Variants in ARHGAP24 observed in about 807,000 individuals in gnomAD.
ARHGAP24 encodes the protein rho GTPase-activating protein 24.
In ARHGAP24, 50 loss-of-function variants were observed where a neutral mutation model predicts 76.4. The ratio of observed to expected loss-of-function variants is 0.65; its 90% CI spans 0.52 to 0.83. The LOEUF (loss-of-function observed/expected upper bound fraction) is 0.83. Ranked by LOEUF, ARHGAP24 falls within the 40% of genes least tolerant of loss-of-function variation. The pLI is 0.00. For missense variants in ARHGAP24, 930 were observed against 914.2 expected (o/e 1.02, Z -0.22); for synonymous variants, 345 against 323.3 (o/e 1.07, Z -0.72).
At chr4:85,972,451 A>G (rs1386806499) in intron 6 of ARHGAP24, 3 of 419,532 alleles carry the variant, frequency 7.2e-6, no homozygotes, top group African/African-American at 2.0e-5. Context: ...GCCACACATC[A>G]CACAAAAGAA....
chr4:85,678,349 G>A (rs1723066955), intron 2 of ARHGAP24, among the ~76,000 whole-genome samples: 1 of 152,136 alleles, frequency 6.6e-6, no homozygotes, highest in African/African-American at 2.4e-5. Context: ...CAGCCTGGGT[G>A]ACAAAGCAAG....
rs76067859 is a variant in ARHGAP24, at chr4:85,783,807, T to C, written c.268+61835T>C. 4.6e-3 allele frequency among the ~76,000 whole-genome samples: 705 copies of C among 152,324 alleles called. 4 individuals are homozygous for C. Among genetic ancestry groups the C allele is most frequent in the African/African-American group, 0.016 (672 of 41,558 alleles). On this transcript the variant is annotated intron_variant, in intron 3 of 9. Coordinates refer to ENST00000395184, the MANE Select transcript of ARHGAP24 (RefSeq NM_001025616.3). ...TGTCATTTTGTTAATGAGTATTTGC[T>C]AAAGCATTTCCTGGGCCACTGGTGT...
At chr4:85,951,167 G>A (rs996834916) in intron 5 of ARHGAP24, among the ~76,000 whole-genome samples, 4 of 152,066 alleles carry the variant, frequency 2.6e-5, no homozygotes, top group Admixed American at 6.6e-5. Flanking sequence ...CCTGGATTCT[G>A]CTGATTCAAA....
At chr4:85,567,695 T>C (rs1726901730) in intron 1 of ARHGAP24, among the ~76,000 whole-genome samples, 4 of 152,210 alleles carry the variant, frequency 2.6e-5, no homozygotes, top group African/African-American at 9.6e-5. Context: ...ACAGAGATGA[T>C]AGATTTCAGA....
chr4:85,754,434 A>C (rs1345473151), intron 3 of ARHGAP24, among the ~76,000 whole-genome samples: 2 of 152,222 alleles, frequency 1.3e-5, no homozygotes, highest in South Asian at 2.1e-4. Context: ...TCAATTAGTA[A>C]CTCCCATTGA....
chr4:85,980,856 A>C (rs1217298167), intron 8 of ARHGAP24, among the ~76,000 whole-genome samples: 1 of 152,212 alleles, frequency 6.6e-6, no homozygotes, highest in Non-Finnish European at 1.5e-5. Context: ...GATGGTGCTA[A>C]AGCAGTGACG....
At chr4:85,967,134 G>T (rs1422443924) in intron 5 of ARHGAP24, among the ~76,000 whole-genome samples, 1 of 152,048 alleles carries the variant, frequency 6.6e-6, no homozygotes, top group Non-Finnish European at 1.5e-5. Context: ...AGAGGCCTAT[G>T]TTGCACCTAG....
chr4:85,550,305 T>G (rs912131915), intron 1 of ARHGAP24, among the ~76,000 whole-genome samples: 4 of 152,158 alleles, frequency 2.6e-5, no homozygotes, highest in African/African-American at 9.7e-5. Context: ...AATAGGGAAT[T>G]CTTTCCCCAT....
At chr4:85,508,588 T>C (rs1366125409) in intron 1 of ARHGAP24, among the ~76,000 whole-genome samples, 1 of 152,248 alleles carries the variant, frequency 6.6e-6, no homozygotes, top group African/African-American at 2.4e-5. Context: ...CTCTAAGCTC[T>C]GATAAATCTT....
chr4:85,628,470 C>T (rs28888099), intron 2 of ARHGAP24, among the ~76,000 whole-genome samples: 54,378 of 151,994 alleles, frequency 0.36, 10,743 homozygotes, highest in East Asian at 0.84. Flanking sequence ...GGAAGGAATA[C>T]GGCTACTGTT....
chr4:85,673,702 G>T (rs187050867), intron 2 of ARHGAP24, among the ~76,000 whole-genome samples: 2 of 144,512 alleles, frequency 1.4e-5, no homozygotes, highest in Admixed American at 6.8e-5. Context: ...AAACACCAGT[G>T]GGGGGATCTA....
At chr4:85,546,408 A>C (rs949236526) in intron 1 of ARHGAP24, among the ~76,000 whole-genome samples, 6 of 152,200 alleles carry the variant, frequency 3.9e-5, no homozygotes, top group Non-Finnish European at 4.4e-5. Flanking sequence ...TACTCTACTT[A>C]CTGCCCTTTT....
At chr4:85,692,462 A>G (rs756689487) in intron 2 of ARHGAP24, among the ~76,000 whole-genome samples, 14 of 152,218 alleles carry the variant, frequency 9.2e-5, no homozygotes, top group Non-Finnish European at 1.5e-4. Flanking sequence ...AGGAATGCCA[A>G]TGAGCCATAG....
At chr4:85,833,835 G>A (rs1447068102) in intron 3 of ARHGAP24, among the ~76,000 whole-genome samples, 1 of 152,200 alleles carries the variant, frequency 6.6e-6, no homozygotes, top group Non-Finnish European at 1.5e-5. Context: ...GTATTTATAA[G>A]CTCACTAGAA....
rs770958088 is a variant in ARHGAP24, at chr4:85,570,657, G to T, written c.116G>T (p.Arg39Leu). 26 of 1,614,072 alleles carry T rather than the reference G, an allele frequency of 1.6e-5. 1 individual carries two copies. The South Asian group carries it at 2.7e-4, about 17-fold the overall frequency. The change falls in exon 2 of 10, where the codon CGC (arginine) becomes CTC (leucine). Residue 39 changes from arginine to leucine, a missense_variant. Transcript: ENST00000395184. ...GGCTTTGTCAAGACTTGGCATACTC[G>T]CTGGTTTGTGCTCAAGGGGGATCAG... Reference protein sequence around the residue: ...QGGFVKTWHTRWFVLKGDQLY... With the variant: ...QGGFVKTWHTLWFVLKGDQLY...
intron 5 of ARHGAP24, among the ~76,000 whole-genome samples, chr4:85,950,850 A>AT (rs895958812): frequency 1.9e-4 from 28 of 150,542 alleles, no homozygotes; most frequent in African/African-American, 6.6e-4. Flanking sequence ...TTTGTATTTT[A>AT]TTTTTTTTAG....
At position 86,000,624 on chromosome 4, in the gene ARHGAP24, A is replaced by T; in HGVS notation, c.2149A>T (p.Met717Leu). ...AKEDAEKRND[M>L]LQKEMEQFFS... ...AGAAGATGCCGAGAAAAGAAATGAC[A>T]TGCTACAGAAAGAAATGGAGCAGTT... The change falls in exon 10 of 10, where the codon ATG becomes TTG. Residue 717 changes from methionine (M) to leucine (L), a missense_variant. By Grantham distance (15) the Met-to-Leu change is conservative (BLOSUM62 2). Transcript: ENST00000395184. 20 of 1,614,016 alleles carry T rather than the reference A, an allele frequency of 1.2e-5. No individual in the cohort carries two copies. The highest frequency in any genetic ancestry group is 1.7e-5 in the Non-Finnish European group (20 of 1,179,960).
chr4:85,963,468 G>A (rs771456826), intron 5 of ARHGAP24, among the ~76,000 whole-genome samples: 3 of 152,064 alleles, frequency 2.0e-5, no homozygotes, highest in Non-Finnish European at 4.4e-5. Context: ...GAATGCATAT[G>A]TTGTACAAAA....
intron 3 of ARHGAP24, among the ~76,000 whole-genome samples, chr4:85,801,913 A>T (rs529438714): frequency 2.6e-5 from 4 of 152,358 alleles, no homozygotes; most frequent in Admixed American, 6.5e-5. Context: ...TTTGGGCTGG[A>T]TTACTTTCAT....
Sources: allele counts gnomAD v4.1 joint callset (sites outside exome capture counted in the v4.1 genomes callset), GRCh38; gene constraint gnomAD v4.1.1; transcripts MANE v1.5; gene names NCBI Gene and HGNC (gene_info 2026-07-23, HGNC 2026-07-21).